RIMS1: variants seen among roughly 807,000 people sequenced by gnomAD.
RIMS1 encodes the protein regulating synaptic membrane exocytosis protein 1.
Under a neutral mutation model 214.1 loss-of-function variants are expected in RIMS1, and 83 were observed. The ratio of observed to expected loss-of-function variants is 0.39; its 90% confidence interval spans 0.32 to 0.47. The LOEUF (loss-of-function observed/expected upper bound fraction) is 0.47. Among genes scored for constraint, RIMS1 ranks in the 20% least tolerant of loss-of-function variants. RIMS1 has a pLI of 0.99. For synonymous variants in RIMS1, 793 were observed against 786.8 expected, an observed-to-expected ratio of 1.01 and a Z score of -0.13; for missense variants, 2,050 against 2,161.8, an observed-to-expected ratio of 0.95 and a Z score of 1.03.
chr6:72,075,739 A>T (rs1402638499), intron 2 of RIMS1, among the ~76,000 whole-genome samples: 1 of 152,210 alleles, frequency 6.6e-6, no homozygotes, highest in East Asian at 1.9e-4. Context: ...AAAGTTCAAA[A>T]ATTCTGGGGG....
At chr6:72,393,710 G>GC (rs2098737863) in intron 31 of RIMS1, among the ~76,000 whole-genome samples, 1 of 151,876 alleles carries the variant, frequency 6.6e-6, no homozygotes, top group East Asian at 1.9e-4. Flanking sequence ...CTGGGCGACA[G>GC]AGCGAGACTC....
intron 29 of RIMS1, among the ~76,000 whole-genome samples, chr6:72,359,303 A>T (rs1169347897): frequency 1.3e-5 from 2 of 152,178 alleles, no homozygotes; most frequent in African/African-American, 4.8e-5. Flanking sequence ...CCAAATGACC[A>T]CTGGGGAGAT....
At chr6:72,050,739 G>A (rs189794297) in intron 2 of RIMS1, among the ~76,000 whole-genome samples, 2 of 152,268 alleles carry the variant, frequency 1.3e-5, no homozygotes, top group East Asian at 3.9e-4. Flanking sequence ...AGCCCTTTGT[G>A]GGGTGTATAT....
At chr6:72,094,263 GTAGA>G (rs1439741760) in intron 2 of RIMS1, among the ~76,000 whole-genome samples, 1 of 152,086 alleles carries the variant, frequency 6.6e-6, no homozygotes, top group Non-Finnish European at 1.5e-5. Flanking sequence ...TTACTGTTTG[GTAGA>G]AGAGAGGTGT....
chr6:72,202,663 T>C (rs2052207651), intron 6 of RIMS1, among the ~76,000 whole-genome samples: 1 of 152,172 alleles, frequency 6.6e-6, no homozygotes, highest in Non-Finnish European at 1.5e-5. Context: ...TGTACGTACA[T>C]GATAAATACT....
intron 2 of RIMS1, among the ~76,000 whole-genome samples, chr6:72,004,340 G>A (rs944805195): frequency 6.6e-6 from 1 of 152,238 alleles, no homozygotes; most frequent in Admixed American, 6.5e-5. Flanking sequence ...ATATGTGCAT[G>A]TGTCTTTATA....
chr6:72,255,702 C>G (rs953762030), intron 16 of RIMS1, among the ~76,000 whole-genome samples: 1 of 152,144 alleles, frequency 6.6e-6, no homozygotes, highest in Non-Finnish European at 1.5e-5. Context: ...ATTCTCTAAT[C>G]TCTAACCCTG....
rs573612393 is a variant in RIMS1, at chr6:72,237,758, C to A, written c.1858-65C>A. 9.2e-5 allele frequency: 105 copies of A among 1,145,048 alleles called. No homozygotes were observed. In the East Asian group the frequency reaches 2.2e-3, roughly 24 times the overall value. The allele number at this position is 1,145,048 out of a possible 1,614,324, so 70.9% of individuals were successfully genotyped here. A position where few individuals can be genotyped will look rare whatever the true frequency, so the allele number is the denominator to read the frequency against. ...ATCATAAAAGAATGTAGGATTAATTCCTCAAACTAATAAGCTTATGTTTTA... is the reference window on the plus strand; with the variant it reads ...ATCATAAAAGAATGTAGGATTAATTACTCAAACTAATAAGCTTATGTTTTA... On this transcript the variant is annotated intron_variant, in intron 8 of 33. Coordinates refer to ENST00000521978, the MANE Select transcript of RIMS1 (RefSeq NM_014989.7).
chr6:72,015,340 G>A (rs1453366106), intron 2 of RIMS1, among the ~76,000 whole-genome samples: 1 of 152,120 alleles, frequency 6.6e-6, no homozygotes, highest in Non-Finnish European at 1.5e-5. Context: ...GATCAGGGAT[G>A]TCCAAACTGT....
At chr6:72,357,688 A>T (rs1328030560) in intron 29 of RIMS1, among the ~76,000 whole-genome samples, 1 of 152,180 alleles carries the variant, frequency 6.6e-6, no homozygotes, top group Non-Finnish European at 1.5e-5. Flanking sequence ...CACAACAGTG[A>T]CTTTAATCAA....
intron 2 of RIMS1, among the ~76,000 whole-genome samples, chr6:72,006,888 A>G (rs1276710312): frequency 1.3e-5 from 2 of 152,142 alleles, no homozygotes; most frequent in Admixed American, 6.5e-5. Context: ...TGTAGACTCC[A>G]CCTCTGGGGG....
intron 2 of RIMS1, among the ~76,000 whole-genome samples, chr6:72,038,118 A>AAAAAAAAAAAAT (rs1820399900): frequency 1.5e-4 from 2 of 13,414 alleles, no homozygotes; most frequent in Non-Finnish European, 1.2e-4. Context: ...AAAAAAAAAA[A>AAAAAAAAAAAAT]ATATATATAT....
intron 1 of RIMS1, among the ~76,000 whole-genome samples, chr6:71,935,881 C>T (rs1032502092): frequency 6.6e-6 from 1 of 152,136 alleles, no homozygotes; most frequent in African/African-American, 2.4e-5. Flanking sequence ...AATCTTTCAC[C>T]GGGAGCACCA....
At chr6:71,995,648 A>G (rs1012881219) in intron 2 of RIMS1, among the ~76,000 whole-genome samples, 2 of 152,086 alleles carry the variant, frequency 1.3e-5, no homozygotes, top group Admixed American at 6.6e-5. Context: ...TGGAAGTCCA[A>G]CATCAGTTTC....
intron 27 of RIMS1, among the ~76,000 whole-genome samples, chr6:72,308,828 C>T (rs937581931): frequency 2.0e-5 from 3 of 152,102 alleles, no homozygotes; most frequent in African/African-American, 4.8e-5. Context: ...ACAGGTTTAT[C>T]TTGTCTGCAA....
intron 1 of RIMS1, among the ~76,000 whole-genome samples, chr6:71,952,004 T>G (rs1283930367): frequency 1.3e-5 from 2 of 152,190 alleles, no homozygotes; most frequent in Admixed American, 6.5e-5. Flanking sequence ...TCTCATGGAA[T>G]GAAGTCAGAT....
chr6:72,164,855 C>T (rs532728373), intron 4 of RIMS1, among the ~76,000 whole-genome samples: 47 of 152,176 alleles, frequency 3.1e-4, no homozygotes, highest in Non-Finnish European at 5.9e-4. Context: ...TGGTCTCTTT[C>T]TTCTTATAAA....
chr6:72,280,305 A>AT lies in RIMS1; in HGVS notation c.3483-3738dup, dbSNP rs541041032. Among the ~76,000 whole-genome samples, 12 of 152,142 alleles carry AT rather than the reference A, an allele frequency of 7.9e-5. No homozygotes were observed. The East Asian group carries it at 2.3e-3, about 29-fold the overall frequency. ...AAAGTAATTCATTTTAGTATGATCTATTTTGTGATTACACAATTAATAGTT... is the reference window on the plus strand; with the variant it reads ...AAAGTAATTCATTTTAGTATGATCTATTTTTGTGATTACACAATTAATAGTT... On this transcript the variant is annotated intron_variant, in intron 23 of 33. Transcript: ENST00000521978.
At chr6:72,218,293 G>A (rs2057099061) in intron 6 of RIMS1, among the ~76,000 whole-genome samples, 1 of 152,082 alleles carries the variant, frequency 6.6e-6, no homozygotes, top group African/African-American at 2.4e-5. Context: ...CTGAAAGTCG[G>A]CCAGGGACAA....
Sources: gnomAD v4.1 joint callset for allele counts (sites outside exome capture counted in the v4.1 genomes callset) on GRCh38, gnomAD v4.1.1 for gene constraint, MANE v1.5 for transcripts, NCBI Gene and HGNC (gene_info 2026-07-23, HGNC 2026-07-21) for gene names.